Variants in AUTS2 observed in about 807,000 individuals in gnomAD.
AUTS2 encodes the protein autism susceptibility gene 2 protein.
Under a neutral mutation model 112.4 loss-of-function variants are expected in AUTS2, and 17 were observed. That is an observed-to-expected ratio of 0.15 (90% confidence interval 0.10 to 0.23). The LOEUF (loss-of-function observed/expected upper bound fraction) is 0.23. Ranked by LOEUF, AUTS2 falls within the 10% of genes least tolerant of loss-of-function variation. The pLI is 1.00. For synonymous variants in AUTS2, 751 were observed against 702.7 expected, an observed-to-expected ratio of 1.07 and a Z score of -1.09; for missense variants, 1,510 against 1,701.6, an observed-to-expected ratio of 0.89 and a Z score of 1.98.
intron 4 of AUTS2, among the ~76,000 whole-genome samples, chr7:70,164,188 A>G (rs1303514207): frequency 9.2e-5 from 14 of 152,296 alleles, no homozygotes; most frequent in Admixed American, 6.5e-4. Flanking sequence ...TATAAAATCA[A>G]TCTAGTTTTC....
At chr7:70,104,011 A>G (rs751577645) in intron 2 of AUTS2, among the ~76,000 whole-genome samples, 1 of 151,914 alleles carries the variant, frequency 6.6e-6, no homozygotes, top group Non-Finnish European at 1.5e-5. Context: ...ATGGTAATTG[A>G]TCATCCTGTT....
intron 2 of AUTS2, among the ~76,000 whole-genome samples, chr7:70,089,768 G>T: frequency 6.6e-6 from 1 of 152,078 alleles, no homozygotes; most frequent in Non-Finnish European, 1.5e-5. Context: ...CAGCACTTTG[G>T]GAGGCCGAGG....
At chr7:70,470,564 C>A (rs753564154) in intron 5 of AUTS2, among the ~76,000 whole-genome samples, 1 of 152,140 alleles carries the variant, frequency 6.6e-6, no homozygotes, top group Non-Finnish European at 1.5e-5. Flanking sequence ...ACTGGGCCCA[C>A]GCAGCATCTG....
intron 2 of AUTS2, among the ~76,000 whole-genome samples, chr7:70,060,355 A>G (rs1419972114): frequency 2.6e-5 from 4 of 152,208 alleles, no homozygotes; most frequent in Admixed American, 2.0e-4. Context: ...TAGAGGAGAA[A>G]GCTGTCAAAG....
intron 4 of AUTS2, among the ~76,000 whole-genome samples, chr7:70,238,236 A>G (rs904362642): frequency 6.6e-6 from 1 of 152,142 alleles, no homozygotes; most frequent in Admixed American, 6.6e-5. Context: ...CCTAAACTGA[A>G]AATGGAATGT....
At chr7:69,816,019 G>A (rs1790745853) in intron 1 of AUTS2, among the ~76,000 whole-genome samples, 1 of 152,188 alleles carries the variant, frequency 6.6e-6, no homozygotes, top group African/African-American at 2.4e-5. Flanking sequence ...GAAAGGTCAT[G>A]TCACCTGCTA....
chr7:69,845,337 C>G (rs947552663), intron 1 of AUTS2, among the ~76,000 whole-genome samples: 2 of 152,148 alleles, frequency 1.3e-5, no homozygotes, highest in Admixed American at 1.3e-4. Context: ...TCCGTTATCC[C>G]TGCCCTCAAA....
At chr7:69,789,408 T>G (rs1789519571) in intron 1 of AUTS2, among the ~76,000 whole-genome samples, 1 of 152,228 alleles carries the variant, frequency 6.6e-6, no homozygotes, top group South Asian at 2.1e-4. Context: ...TTAACGTTAA[T>G]TATCTTAGCT....
chr7:70,103,678 G>C (rs929434646), intron 2 of AUTS2, among the ~76,000 whole-genome samples: 3 of 152,010 alleles, frequency 2.0e-5, no homozygotes, highest in Non-Finnish European at 4.4e-5. Flanking sequence ...AGGCTGAGGT[G>C]GGTAGATCAC....
At chr7:70,693,691 A>G (rs1363684417) in intron 5 of AUTS2, among the ~76,000 whole-genome samples, 1 of 152,232 alleles carries the variant, frequency 6.6e-6, no homozygotes, top group Non-Finnish European at 1.5e-5. Flanking sequence ...ACAACCGCCC[A>G]GAGAGCCTGC....
At chr7:70,187,858 T>C (rs1809690813) in intron 4 of AUTS2, among the ~76,000 whole-genome samples, 1 of 151,460 alleles carries the variant, frequency 6.6e-6, no homozygotes. Context: ...TTAGTGCTTA[T>C]GCCAGGTAGC....
intron 1 of AUTS2, among the ~76,000 whole-genome samples, chr7:69,745,872 C>T (rs1787471674): frequency 6.6e-6 from 1 of 151,988 alleles, no homozygotes; most frequent in Non-Finnish European, 1.5e-5. Flanking sequence ...CCAGTATGTA[C>T]ATTAAATTTT....
intron 2 of AUTS2, among the ~76,000 whole-genome samples, chr7:70,009,942 A>T (rs1320825769): frequency 2.6e-5 from 4 of 152,172 alleles, no homozygotes; most frequent in Non-Finnish European, 4.4e-5. Context: ...TAAAGAATTT[A>T]TTTCAGGTGC....
At chr7:69,887,815 C>T (rs974728310) in intron 1 of AUTS2, among the ~76,000 whole-genome samples, 2 of 152,110 alleles carry the variant, frequency 1.3e-5, no homozygotes, top group Non-Finnish European at 2.9e-5. Flanking sequence ...ATAATTTGGC[C>T]TTGATATCAA....
chr7:70,032,377 A>G (rs1393553521), intron 2 of AUTS2, among the ~76,000 whole-genome samples: 1 of 152,142 alleles, frequency 6.6e-6, no homozygotes, highest in South Asian at 2.1e-4. Flanking sequence ...CCTGGGGACT[A>G]TTTCAATGGC....
rs138280373 is a variant in AUTS2 at position 69,654,614 on chromosome 7, G to C, written c.309+54652G>C. Among the ~76,000 whole-genome samples, 11 of 152,314 alleles carry C rather than the reference G, an allele frequency of 7.2e-5. No homozygotes were observed. The East Asian group carries it at 1.9e-3, about 27-fold the overall frequency. ...CAGCTGAAATGAGTGATGCAATCAA[G>C]ATTCAAACTAGGCAGCCCAGTTCCA... On this transcript the variant is annotated intron_variant, in intron 1 of 18. Coordinates refer to ENST00000342771, the MANE Select transcript of AUTS2 (RefSeq NM_015570.4).
intron 5 of AUTS2, among the ~76,000 whole-genome samples, chr7:70,613,900 C>T (rs1804223329): frequency 6.6e-6 from 1 of 152,232 alleles, no homozygotes; most frequent in South Asian, 2.1e-4. Context: ...TTCACATCCA[C>T]TTACGCACTG....
At chr7:69,995,247 C>G (rs1412080624) in intron 2 of AUTS2, among the ~76,000 whole-genome samples, 1 of 152,126 alleles carries the variant, frequency 6.6e-6, no homozygotes, top group Non-Finnish European at 1.5e-5. Context: ...ACTCTCTCCC[C>G]ATCTAAATTT....
chr7:69,763,157 T>C (rs60614607), intron 1 of AUTS2, among the ~76,000 whole-genome samples: 1,560 of 152,326 alleles, frequency 0.01, 39 homozygotes, highest in African/African-American at 0.035. Context: ...TTTAAAAATA[T>C]TTAGGGTGAA....
Sources: allele counts gnomAD v4.1 joint callset (sites outside exome capture counted in the v4.1 genomes callset), GRCh38; gene constraint gnomAD v4.1.1; transcripts MANE v1.5; gene names NCBI Gene and HGNC (gene_info 2026-07-23, HGNC 2026-07-21).